AMMECR1: variants seen among roughly 807,000 people sequenced by gnomAD.
AMMECR1 encodes the protein nuclear protein AMMECR1.
In AMMECR1, 3 loss-of-function variants were observed where a neutral mutation model predicts 22.5. The ratio of observed to expected loss-of-function variants is 0.13; its 90% confidence interval spans 0.06 to 0.35. The LOEUF is 0.35. Among genes scored for constraint, AMMECR1 ranks in the 10% least tolerant of loss-of-function variants. The pLI, the probability that AMMECR1 is intolerant of heterozygous loss-of-function variation, is 1.00. For synonymous variants in AMMECR1, 130 were observed against 116.7 expected (o/e 1.11, Z -0.74); for missense variants, 235 against 278.7 (o/e 0.84, Z 1.12).
At chrX:110,411,236 G>C (rs963404623) in intron 2 of AMMECR1, among the ~76,000 whole-genome samples, 8 of 111,917 alleles carry the variant, frequency 7.1e-5, no homozygotes, top group Non-Finnish European at 1.3e-4. Flanking sequence ...GTTCAGTTTT[G>C]TATCACTGGC....
rs1417117 is a variant in AMMECR1, at chrX:110,283,153, G to A, written c.474-18554C>T. ...CAAGGAAAAGGAAATTTTCAATCTG[G>A]GTAAGGTAGTTAAATCTGGCCTGTA... On this transcript the variant is annotated intron_variant, in intron 1 of 5. Coordinates refer to ENST00000262844, the MANE Select transcript of AMMECR1 (RefSeq NM_015365.3). Among the ~76,000 whole-genome samples the A allele has an allele frequency of 1.7e-3, 193 of 112,205 alleles. 2 individuals carry two copies. Among genetic ancestry groups the A allele is most frequent in the African/African-American group, 6.0e-3 (186 of 30,894 alleles).
chrX:110,342,558 G>T (rs1392677904), intron 2 of AMMECR1, among the ~76,000 whole-genome samples: 1 of 110,770 alleles, frequency 9.0e-6, no homozygotes, highest in Non-Finnish European at 1.9e-5. Context: ...TTTTAGTAGA[G>T]ACGGGGTTTC....
At chrX:110,270,811 A>AT (rs1438373228) in intron 1 of AMMECR1, among the ~76,000 whole-genome samples, 2 of 111,382 alleles carry the variant, frequency 1.8e-5, no homozygotes, top group African/African-American at 6.5e-5. Flanking sequence ...TTCTCACTTC[A>AT]TTTTTTCCTG....
At chrX:110,407,947 C>G (rs2068614312) in intron 2 of AMMECR1, among the ~76,000 whole-genome samples, 1 of 112,365 alleles carries the variant, frequency 8.9e-6, no homozygotes, top group Non-Finnish European at 1.9e-5. Context: ...CGGCCTGGGT[C>G]TGTGGGTGAT....
At chrX:110,433,094 C>T (rs753573080) in intron 1 of AMMECR1, among the ~76,000 whole-genome samples, 3 of 112,400 alleles carry the variant, frequency 2.7e-5, no homozygotes, top group East Asian at 5.6e-4. Flanking sequence ...TCTGTGAGCT[C>T]GTGAGAACCT....
rs183374142 is a variant in AMMECR1 at position 110,237,048 on chromosome X, G to A, written c.585-20416C>T. On this transcript the variant is annotated intron_variant, in intron 2 of 5. Transcript: ENST00000262844. The stretch of plus-strand genomic sequence containing the variant: ...ACACACATAAACTCTGCATCCTGAA[G>A]GAGCTCCATTGCTTCTTATATGGGG... 1.5e-4 allele frequency among the ~76,000 whole-genome samples: 17 copies of A among 111,290 alleles called. No homozygotes were observed. In the Admixed American group the frequency reaches 1.6e-3, roughly 11 times the overall value.
At chrX:110,346,931 G>A in intron 2 of AMMECR1, 3 of 543,255 alleles carry the variant, frequency 5.5e-6, no homozygotes, top group South Asian at 4.8e-5. Context: ...GGGCCGGGCC[G>A]ATTCGTGGGT....
chrX:110,421,781 C>T (rs1473964795), intron 2 of AMMECR1, among the ~76,000 whole-genome samples: 1 of 112,723 alleles, frequency 8.9e-6, no homozygotes, highest in Non-Finnish European at 1.9e-5. Context: ...CCTGTTCATC[C>T]CTCTTCTGGT....
chrX:110,410,869 C>G (rs1336067982), intron 2 of AMMECR1, among the ~76,000 whole-genome samples: 1 of 112,378 alleles, frequency 8.9e-6, no homozygotes, highest in Non-Finnish European at 1.9e-5. Context: ...AGGCAGCCTC[C>G]TTGAAAAGCT....
At chrX:110,348,669 T>C (rs1168832285) in intron 2 of AMMECR1, among the ~76,000 whole-genome samples, 1 of 112,327 alleles carries the variant, frequency 8.9e-6, no homozygotes, top group Non-Finnish European at 1.9e-5. Flanking sequence ...ATATCAAAAA[T>C]ATACTGTCGA....
chrX:110,428,730 A>C (rs1278578010), intron 1 of AMMECR1, among the ~76,000 whole-genome samples: 1 of 111,290 alleles, frequency 9.0e-6, no homozygotes, highest in African/African-American at 3.3e-5. Flanking sequence ...CTTCCTTCCC[A>C]AGAGTGGTCT....
intron 2 of AMMECR1, among the ~76,000 whole-genome samples, chrX:110,379,239 T>G (rs2068401495): frequency 8.9e-6 from 1 of 112,439 alleles, no homozygotes; most frequent in African/African-American, 3.2e-5. Context: ...TGGCCTACTT[T>G]CTTAGTAAAT....
chrX:110,267,157 A>G (rs757443931), intron 1 of AMMECR1, among the ~76,000 whole-genome samples: 2 of 111,625 alleles, frequency 1.8e-5, no homozygotes, highest in Non-Finnish European at 3.8e-5. Context: ...ATATGTGTGC[A>G]TGTCTCTTTA....
At chrX:110,370,685 C>T (rs779766776) in intron 2 of AMMECR1, among the ~76,000 whole-genome samples, 4 of 112,299 alleles carry the variant, frequency 3.6e-5, no homozygotes, top group South Asian at 7.4e-4. Context: ...CAAATGCCAT[C>T]GGGGCAAGCT....
At chrX:110,328,716 G>A (rs1267624944) in intron 2 of AMMECR1, among the ~76,000 whole-genome samples, 2 of 109,563 alleles carry the variant, frequency 1.8e-5, no homozygotes, top group Non-Finnish European at 3.8e-5. Flanking sequence ...AACATGTGGT[G>A]TTTGGTTTTC....
Position 110,391,703 on chromosome X carries a change from C to G in AMMECR1, c.-148+34955G>C, listed in dbSNP as rs73542209. Among the ~76,000 whole-genome samples the G allele has an allele frequency of 8.1e-3, 904 of 112,191 alleles. 8 individuals are homozygous for G. Among genetic ancestry groups the G allele is most frequent in the African/African-American group, 0.027 (824 of 30,874 alleles). On this transcript the variant is annotated intron_variant, in intron 2 of 7. Transcript: ENST00000372057. Reference sequence around the variant, plus strand: ...TAAGTTGTCTTTAGTGAGAAACCATCTATATATACAAAGCCATAACATGTG... The same window carrying G: ...TAAGTTGTCTTTAGTGAGAAACCATGTATATATACAAAGCCATAACATGTG...
At chrX:110,366,904 C>T (rs1413984734) in intron 2 of AMMECR1, among the ~76,000 whole-genome samples, 1 of 111,909 alleles carries the variant, frequency 8.9e-6, no homozygotes, top group Non-Finnish European at 1.9e-5. Context: ...GGCTTTTTTA[C>T]ATCTTTCCTT....
intron 2 of AMMECR1, among the ~76,000 whole-genome samples, chrX:110,398,889 G>A: frequency 8.9e-6 from 1 of 112,225 alleles, no homozygotes; most frequent in East Asian, 2.8e-4. Context: ...AGCAGTAGAG[G>A]CTGTTTGGAA....
chrX:110,365,637 A>C, intron 2 of AMMECR1, among the ~76,000 whole-genome samples: 1 of 111,966 alleles, frequency 8.9e-6, no homozygotes, highest in East Asian at 2.8e-4. Context: ...TGATTCTATC[A>C]GTGTTCCTAG....
Sources: allele counts gnomAD v4.1 joint callset (sites outside exome capture counted in the v4.1 genomes callset), GRCh38; gene constraint gnomAD v4.1.1; transcripts MANE v1.5; gene names NCBI Gene and HGNC (gene_info 2026-07-23, HGNC 2026-07-21).